Variants in ROCK1 observed in about 807,000 individuals in gnomAD.
The protein encoded by ROCK1 is rho-associated protein kinase 1.
Under a neutral mutation model 196.8 loss-of-function variants are expected in ROCK1, and 36 were observed. The observed-to-expected ratio is 0.18, with a 90% CI of 0.14 to 0.24. ROCK1 has a LOEUF of 0.24. Among genes scored for constraint, ROCK1 ranks in the 10% least tolerant of loss-of-function variants. The pLI, the probability that ROCK1 is intolerant of heterozygous loss-of-function variation, is 1.00. For synonymous variants in ROCK1, 443 were observed against 515.9 expected (o/e 0.86, Z 1.91); for missense variants, 920 against 1,562.0 (o/e 0.59, Z 6.93).
chr18:21,060,065 T>C (rs1457227017), intron 2 of ROCK1, among the ~76,000 whole-genome samples: 1 of 152,106 alleles, frequency 6.6e-6, no homozygotes, highest in Non-Finnish European at 1.5e-5. Context: ...TGTTAATGGG[T>C]ATGAGGTTAC....
intron 29 of ROCK1, among the ~76,000 whole-genome samples, chr18:20,956,697 G>GTA (rs1568366209): frequency 1.3e-5 from 2 of 152,040 alleles, no homozygotes; most frequent in East Asian, 3.9e-4. Flanking sequence ...TTAAAAATTG[G>GTA]TACACTGATC....
intron 1 of ROCK1, among the ~76,000 whole-genome samples, chr18:21,076,452 C>T (rs1429588298): frequency 6.6e-6 from 1 of 152,048 alleles, no homozygotes; most frequent in African/African-American, 2.4e-5. Flanking sequence ...TGCAGTGAGC[C>T]GAGATCGTGC....
At chr18:21,061,323 G>A (rs1026343944) in intron 2 of ROCK1, among the ~76,000 whole-genome samples, 2 of 152,042 alleles carry the variant, frequency 1.3e-5, no homozygotes, top group Non-Finnish European at 2.9e-5. Flanking sequence ...CAGGTGATCT[G>A]CCCGCTTCAG....
intron 2 of ROCK1, among the ~76,000 whole-genome samples, chr18:21,067,881 T>TA (rs2036350361): frequency 6.6e-6 from 1 of 152,230 alleles, no homozygotes; most frequent in South Asian, 2.1e-4. Context: ...TATTTTCGGT[T>TA]AATTTTTGTA....
intron 1 of ROCK1, among the ~76,000 whole-genome samples, chr18:21,072,435 G>A (rs1308060516): frequency 6.6e-6 from 1 of 152,172 alleles, no homozygotes; most frequent in Non-Finnish European, 1.5e-5. Flanking sequence ...GTGGGAGAGA[G>A]GGATGCAGGC....
chr18:21,042,475 C>T lies in ROCK1; in HGVS notation c.820+90G>A, dbSNP rs939536583. 3.8e-6 allele frequency: 5 copies of T among 1,315,290 alleles called. No homozygotes were observed. The African/African-American group carries it at 6.0e-5, about 16-fold the overall frequency. 81.5% of individuals were successfully genotyped at this position (1,315,290 alleles called of 1,614,324 possible). On this transcript the variant is annotated intron_variant, in intron 7 of 32. Coordinates refer to ENST00000399799, the MANE Select transcript of ROCK1 (RefSeq NM_005406.3). ...TTACCCACAAATAAAATCAAGATTG[C>T]TTAATATAATAAATATATTAGAAAG...
chr18:20,985,116 T>C (rs1278524951), intron 19 of ROCK1, among the ~76,000 whole-genome samples: 2 of 151,638 alleles, frequency 1.3e-5, no homozygotes, highest in African/African-American at 4.8e-5. Flanking sequence ...AAAAAAGCCA[T>C]TCCTGGGGGA....
intron 20 of ROCK1, among the ~76,000 whole-genome samples, chr18:20,983,568 C>G (rs45468704): frequency 3.9e-5 from 6 of 151,920 alleles, no homozygotes; most frequent in Non-Finnish European, 8.8e-5. Context: ...TCATATTAGA[C>G]AGTAATAGCT....
chr18:21,072,116 G>A (rs1025055952), intron 1 of ROCK1, among the ~76,000 whole-genome samples: 2 of 152,174 alleles, frequency 1.3e-5, no homozygotes, highest in African/African-American at 4.8e-5. Context: ...CCCCAATGCA[G>A]TAATCCAAAG....
chr18:21,082,819 G>A (rs762637786), intron 1 of ROCK1, among the ~76,000 whole-genome samples: 5 of 152,146 alleles, frequency 3.3e-5, no homozygotes, highest in African/African-American at 4.8e-5. Flanking sequence ...ATTATTGGAA[G>A]TTTTTGCCAG....
At chr18:21,110,581 C>T (rs937719967) in intron 1 of ROCK1, among the ~76,000 whole-genome samples, 10 of 152,166 alleles carry the variant, frequency 6.6e-5, no homozygotes, top group Non-Finnish European at 1.2e-4. Flanking sequence ...CTTTCGGGTA[C>T]TCATGAACTG....
At chr18:21,053,881 G>GGTAATAGAAA (rs2036225302) in intron 2 of ROCK1, among the ~76,000 whole-genome samples, 1 of 152,100 alleles carries the variant, frequency 6.6e-6, no homozygotes, top group Non-Finnish European at 1.5e-5. Flanking sequence ...TTCTTGCTTT[G>GGTAATAGAAA]ACACATGCGT....
At chr18:21,038,480 A>C (rs1265442146) in intron 9 of ROCK1, among the ~76,000 whole-genome samples, 1 of 152,152 alleles carries the variant, frequency 6.6e-6, no homozygotes, top group Non-Finnish European at 1.5e-5. Context: ...AGGCAATACA[A>C]TTGTTCTTTT....
Position 20,947,662 on chromosome 18 carries a change from CTATT to C in ROCK1, c.*3718_*3721del, listed in dbSNP as rs1206020239. 4 of 152,154 alleles carry C rather than the reference CTATT, an allele frequency of 2.6e-5. No homozygotes were observed. The highest frequency in any genetic ancestry group is 3.4e-3 in the Middle Eastern group (1 of 294). 9.4% of individuals were successfully genotyped at this position (152,154 alleles called of 1,614,324 possible). On this transcript the variant is annotated 3_prime_UTR_variant, in exon 33 of 33. Coordinates refer to ENST00000399799, the MANE Select transcript of ROCK1 (RefSeq NM_005406.3). ...ATCTCATCGGATTGTCATTATATGACTATTTATTAACCTAATGATCAACTTTAAA... is the reference window on the plus strand; with the variant it reads ...ATCTCATCGGATTGTCATTATATGACTATTAACCTAATGATCAACTTTAAA...
At chr18:20,958,810 C>G (rs140377456) in intron 29 of ROCK1, among the ~76,000 whole-genome samples, 4,560 of 71,722 alleles carry the variant, frequency 0.064, no homozygotes, top group African/African-American at 0.13. Flanking sequence ...GCGATGTAAA[C>G]AGTTGTTATA....
chr18:21,006,279 T>C (rs2035767915), intron 16 of ROCK1, 72 bp downstream of exon 16: 10 of 1,193,512 alleles, frequency 8.4e-6, no homozygotes, highest in Admixed American at 4.5e-5. Flanking sequence ...GAACTGTATA[T>C]ATAAAAATGG....
At chr18:20,996,820 G>GT (rs1314086513) in intron 16 of ROCK1, among the ~76,000 whole-genome samples, 2 of 152,166 alleles carry the variant, frequency 1.3e-5, no homozygotes, top group East Asian at 3.9e-4. Context: ...GTTTGTATTA[G>GT]TTTTCTCTTT....
chr18:21,060,954 G>A (rs1182278776), intron 2 of ROCK1, among the ~76,000 whole-genome samples: 1 of 150,654 alleles, frequency 6.6e-6, no homozygotes, highest in Non-Finnish European at 1.5e-5. Context: ...TTCTTCAACA[G>A]AGGAATGAAC....
At position 21,008,204 on chromosome 18, in the gene ROCK1, T is replaced by C. The variant is rs769481880; in HGVS notation, c.1411-10A>G. ...TTCTTCTTTGATTTCCCTGGAATTA[T>C]AATGATAAAAGTTACCACTGTGATT... On this transcript the variant is annotated splice_polypyrimidine_tract_variant and intron_variant, in intron 13 of 32. Coordinates refer to ENST00000399799, the MANE Select transcript of ROCK1 (RefSeq NM_005406.3). 7 of 1,568,356 alleles carry C rather than the reference T, an allele frequency of 4.5e-6. No individual in the cohort carries two copies. The highest frequency in any genetic ancestry group is 6.1e-6 in the Non-Finnish European group (7 of 1,155,590).
Sources: gnomAD v4.1 joint callset for allele counts (sites outside exome capture counted in the v4.1 genomes callset) on GRCh38, gnomAD v4.1.1 for gene constraint, MANE v1.5 for transcripts, NCBI Gene and HGNC (gene_info 2026-07-23, HGNC 2026-07-21) for gene names.